MAPK12: variants seen among roughly 807,000 people sequenced by gnomAD.
MAPK12 encodes the protein mitogen-activated protein kinase 12, also known as MAP kinase 12.
A neutral mutation model predicts 49.1 loss-of-function variants in MAPK12; 49 were observed. That is an observed-to-expected ratio of 1.00 (90% CI 0.79 to 1.27). The LOEUF is 1.27. MAPK12 is among the 50% of genes most tolerant of loss of function. The probability of loss-of-function intolerance (pLI) is 0.00; values close to 1 mark genes in which losing one functional copy is unlikely to be tolerated. For missense variants in MAPK12, 554 were observed against 502.4 expected (o/e 1.10, Z -0.98); for synonymous variants, 251 against 209.7 (o/e 1.20, Z -1.70).
At chr22:50,258,397 G>A (rs1029744275) in intron 2 of MAPK12, 96 bp from the exon 3 acceptor site, 9 of 1,044,706 alleles carry the variant, frequency 8.6e-6, no homozygotes, top group Middle Eastern at 4.1e-4. Flanking sequence ...AACCCCCTCT[G>A]CAGCTGTCAT....
intron 11 of MAPK12, 55 bp from the exon 12 acceptor site, chr22:50,253,535 C>T (rs2147253142): frequency 2.2e-6 from 2 of 897,150 alleles, no homozygotes; most frequent in Admixed American, 2.0e-5. Flanking sequence ...CTTTGCCTTC[C>T]ATCCTGGGAG....
chr22:50,258,274 G>A lies in MAPK12; in HGVS notation c.283C>T (p.Pro95Ser), dbSNP rs148981556. The change falls in exon 3 of 12, where the codon CCT (proline) becomes TCT (serine). Residue 95 changes from proline (P) to serine (S), a missense_variant. Transcript: ENST00000215659. ...NVIGLLDVFT[P>S]DETLDDFTDF... ...GTGAAGTCATCCAGGGTCTCATCAGGAGTGAATACGTCCAGCAGCCCGATC... is the reference window on the plus strand; with the variant it reads ...GTGAAGTCATCCAGGGTCTCATCAGAAGTGAATACGTCCAGCAGCCCGATC... 4.3e-6 allele frequency: 7 copies of A among 1,613,154 alleles called. No individual in the cohort carries two copies. Among genetic ancestry groups the A allele is most frequent in the Non-Finnish European group, 5.9e-6 (7 of 1,179,998 alleles).
At chr22:50,256,459 C>G in intron 6 of MAPK12, 140 bp downstream of exon 6, 1 of 1,151,230 alleles carries the variant, frequency 8.7e-7, no homozygotes, top group Non-Finnish European at 1.2e-6. Context: ...GCCTCTTGGG[C>G]TCACCCACCC....
At chr22:50,254,838 C>A in intron 11 of MAPK12, 1 of 1,175,062 alleles carries the variant, frequency 8.5e-7, no homozygotes, top group Non-Finnish European at 1.1e-6. Flanking sequence ...TGACTCACAG[C>A]TGCCTTTCAC....
At chr22:50,253,624 T>C in intron 11 of MAPK12, 144 bp from the exon 12 acceptor site, 1 of 626,274 alleles carries the variant, frequency 1.6e-6, no homozygotes, top group Non-Finnish European at 2.9e-6. Flanking sequence ...GAGAGAAGGT[T>C]TGTGTGAAGA....
Position 50,253,663 on chromosome 22 carries a change from G to A in MAPK12, c.1025-183C>T, listed in dbSNP as rs2065121157. The A allele has an allele frequency of 2.3e-5, 14 of 599,194 alleles. No homozygotes were observed. In the Admixed American group the frequency reaches 3.4e-4, roughly 14 times the overall value. The allele number at this position is 599,194 out of a possible 1,614,324, so 37.1% of individuals were successfully genotyped here. ...CATTGCTCTAGATCTGGATTTTCCAGGGAAAGGGGAGGTGGCCAGGGCTTG... is the reference window on the plus strand; with the variant it reads ...CATTGCTCTAGATCTGGATTTTCCAAGGAAAGGGGAGGTGGCCAGGGCTTG... On this transcript the variant is annotated intron_variant, in intron 11 of 11. Transcript: ENST00000215659.
At position 50,255,539 on chromosome 22, in the gene MAPK12, G is replaced by A. The variant is rs371816587; in HGVS notation, c.772-8C>T. ...CTTCATGTAGTTCTTGGCCTGTGTG[G>A]GAAGAAAGGGTGAGGGGCCAACACC... On this transcript the variant is annotated splice_region_variant and splice_polypyrimidine_tract_variant and intron_variant, in intron 9 of 11. Coordinates refer to ENST00000215659, the MANE Select transcript of MAPK12 (RefSeq NM_002969.6). 2 of 1,613,150 alleles carry A rather than the reference G, an allele frequency of 1.2e-6. No individual in the cohort carries two copies. The highest frequency in any genetic ancestry group is 1.1e-5 in the South Asian group (1 of 91,084).
chr22:50,257,007 C>T (rs1425269767), intron 4 of MAPK12, 43 bp from the exon 5 acceptor site: 2 of 1,604,402 alleles, frequency 1.2e-6, no homozygotes, highest in African/African-American at 2.7e-5. Flanking sequence ...CGCACCCTCT[C>T]AGAGCCACAG....
chr22:50,255,198 C>T lies in MAPK12; in HGVS notation c.1023G>A (p.Lys341=). The change falls in exon 11 of 12, where the codon AAG becomes AAA. Residue 341 remains lysine (K), a splice_region_variant and synonymous_variant. Coordinates refer to ENST00000215659, the MANE Select transcript of MAPK12 (RefSeq NM_002969.6). ...DDVDRTLDEW[K]RVTYKEVLSF... ...CCGTGCCAGGAGCCCCCCACTCACG[C>T]TTCCATTCATCCAGTGTGCGGTCAA... 6.2e-7 allele frequency: 1 copy of T among 1,613,778 alleles called. No homozygotes were observed. Among genetic ancestry groups the T allele is most frequent in the Non-Finnish European group, 8.5e-7 (1 of 1,179,986 alleles).
chr22:50,253,391 CCA>C lies in MAPK12; in HGVS notation c.*8_*9del. 1.3e-6 allele frequency: 2 copies of C among 1,542,624 alleles called. No homozygotes were observed. The highest frequency in any genetic ancestry group is 1.2e-5 in the South Asian group (1 of 83,742). On this transcript the variant is annotated 3_prime_UTR_variant, in exon 12 of 12. Transcript: ENST00000215659. ...GTGGTCCTCACTGCCACCCCGGAGC[CCA>C]GAGATCTTCACAGAGGCGTCTCCTT...
chr22:50,258,715 C>T (rs1385278521), intron 2 of MAPK12, among the ~76,000 whole-genome samples: 6 of 152,246 alleles, frequency 3.9e-5, no homozygotes, highest in East Asian at 1.9e-4. Flanking sequence ...GAGGCCCAGG[C>T]GGACAGCACC....
chr22:50,253,502 G>GGCCCCCCCCCCCCCCC, intron 11 of MAPK12, 22 bp from the exon 12 acceptor site: 1 of 171,660 alleles, frequency 5.8e-6, no homozygotes, highest in Non-Finnish European at 1.1e-5. Flanking sequence ...GGGGGGGCGG[G>GGCCCCCCCCCCCCCCC]CACAACAGAG....
Position 50,255,465 on chromosome 22 carries a change from C to T in MAPK12, c.838G>A (p.Ala280Thr), listed in dbSNP as rs139620386. The T allele has an allele frequency of 2.5e-6, 4 of 1,613,070 alleles. No individual in the cohort carries two copies. Among genetic ancestry groups the T allele is most frequent in the Non-Finnish European group, 3.4e-6 (4 of 1,180,038 alleles). The part of the protein sequence containing the change: ...KKDFASILTN[A>T]SPLAVNLLEK... ...TAGCCAGCCGTACCCAGAGGGCTTG[C>T]ATTGGTCAGGATAGAGGCAAAATCC... Residue 280 changes from alanine to threonine, a missense_variant, in exon 10 of 12, where the codon GCA becomes ACA. By Grantham distance (58) the Ala-to-Thr change is moderately conservative. Transcript: ENST00000215659.
intron 2 of MAPK12, among the ~76,000 whole-genome samples, chr22:50,258,654 C>T (rs111981253): frequency 6.6e-6 from 1 of 152,256 alleles, no homozygotes; most frequent in African/African-American, 2.4e-5. Flanking sequence ...CAAACAGATC[C>T]AGGCCCAGGG....
chr22:50,261,119 C>G, intron 2 of MAPK12, 48 bp downstream of exon 2: 2 of 1,511,558 alleles, frequency 1.3e-6, no homozygotes, highest in Admixed American at 1.9e-5. Context: ...CCCAGCTGAA[C>G]CAAGCCGAGG....
rs775873615 is a variant in MAPK12, at chr22:50,256,644, G to C, written c.459C>G (p.Asp153Glu). 6.2e-7 allele frequency: 1 copy of C among 1,611,166 alleles called. No homozygotes were observed. Among genetic ancestry groups the C allele is most frequent in the Non-Finnish European group, 8.5e-7 (1 of 1,178,886 alleles). Reference protein sequence around the residue: ...YIHAAGIIHRDLKPGNLAVNE... With the variant: ...YIHAAGIIHRELKPGNLAVNE... ...TCACAGCCAGGTTGCCGGGCTTCAG[G>C]TCCTGGGGGCAGAGGAAAGGTGGCC... Residue 153 changes from aspartate to glutamate, a missense_variant and splice_region_variant, in exon 6 of 12, where the codon GAC (aspartate) becomes GAG (glutamate). Asp to Glu is a conservative substitution (Grantham distance 45). Coordinates refer to ENST00000215659, the MANE Select transcript of MAPK12 (RefSeq NM_002969.6).
chr22:50,256,302 G>C (rs1352218584), intron 6 of MAPK12, 103 bp from the exon 7 acceptor site: 35 of 880,294 alleles, frequency 4.0e-5, no homozygotes, highest in Non-Finnish European at 1.8e-6. Context: ...AAGCTCCCAA[G>C]CTGGGGCCTC....
chr22:50,258,147 G>T, intron 3 of MAPK12, 96 bp downstream of exon 3: 2 of 1,174,466 alleles, frequency 1.7e-6, no homozygotes, highest in Non-Finnish European at 1.3e-6. Context: ...TCAGGCTGCA[G>T]GAAGAGAACC....
At chr22:50,255,139 C>A (rs1377877690) in intron 11 of MAPK12, 58 bp downstream of exon 11, 12 of 1,602,376 alleles carry the variant, frequency 7.5e-6, no homozygotes, top group Non-Finnish European at 1.0e-5. Flanking sequence ...CCACACAGGC[C>A]CTGCCCAGAG....
Sources: allele counts gnomAD v4.1 joint callset (sites outside exome capture counted in the v4.1 genomes callset), GRCh38; gene constraint gnomAD v4.1.1; transcripts MANE v1.5; gene names NCBI Gene and HGNC (gene_info 2026-07-23, HGNC 2026-07-21).